The following SH2D1A variants were observed in gnomAD, a reference collection of about 807,000 sequenced individuals.
The protein encoded by SH2D1A is SH2 domain-containing protein 1A.
Under a neutral mutation model 10.1 loss-of-function variants are expected in SH2D1A, and 6 were observed. That is an observed-to-expected ratio of 0.60 (90% CI 0.33 to 1.18). The LOEUF (loss-of-function observed/expected upper bound fraction) is 1.18, where lower values mean the gene tolerates loss of function less well. Ranked by LOEUF, SH2D1A falls within the 50% of genes most tolerant of loss-of-function variation. The pLI, the probability that SH2D1A is intolerant of heterozygous loss-of-function variation, is 0.04. For missense variants in SH2D1A, 51 were observed against 97.6 expected (o/e 0.52, Z 2.01); for synonymous variants, 42 against 36.9 (o/e 1.14, Z -0.51).
chrX:124,346,864 G>C (rs1027743867), intron 1 of SH2D1A, 85 bp downstream of exon 1: 3 of 1,110,547 alleles, frequency 2.7e-6, no homozygotes, highest in Non-Finnish European at 3.7e-6. Flanking sequence ...GGCCGAGGCA[G>C]GCAGGGGCGC....
rs184880857 is a variant in SH2D1A at position 124,350,082 on chromosome X, A to T, written c.137+3303A>T. Among the ~76,000 whole-genome samples, 289 of 91,306 alleles carry T rather than the reference A, an allele frequency of 3.2e-3. 3 individuals carry two copies. Among genetic ancestry groups the T allele is most frequent in the African/African-American group, 0.011 (279 of 24,844 alleles). 79.3% of individuals were successfully genotyped at this position (91,306 alleles called of 115,157 possible). On this transcript the variant is annotated intron_variant, in intron 1 of 3. Coordinates refer to ENST00000371139, the MANE Select transcript of SH2D1A (RefSeq NM_002351.5). ...TCTTACAATTGTATTCTTACGAGTG[A>T]CGTATTTGACTACTAAAAAGTTTGA...
Position 124,371,441 on chromosome X carries a change from T to C in SH2D1A, c.*50T>C. On this transcript the variant is annotated 3_prime_UTR_variant, in exon 4 of 4. Coordinates refer to ENST00000371139, the MANE Select transcript of SH2D1A (RefSeq NM_002351.5). ...TATTTTCTATAATTTAAATATATGC[T>C]AAGTCTTATATATTGTAGATAATAC... 3 of 820,270 alleles carry C rather than the reference T, an allele frequency of 3.7e-6. No homozygotes were observed. The highest frequency in any genetic ancestry group is 5.4e-6 in the Non-Finnish European group (3 of 553,468). 67.6% of individuals were successfully genotyped at this position (820,270 alleles called of 1,213,427 possible).
intron 1 of SH2D1A, chrX:124,364,421 G>A (rs1384747733): frequency 3.6e-6 from 1 of 277,232 alleles, no homozygotes; most frequent in African/African-American, 2.8e-5. Flanking sequence ...TAAGCGAAGT[G>A]TTATAAAAGA....
intron 1 of SH2D1A, among the ~76,000 whole-genome samples, chrX:124,363,488 T>C (rs1338771655): frequency 9.0e-6 from 1 of 111,519 alleles, no homozygotes; most frequent in Non-Finnish European, 1.9e-5. Flanking sequence ...AGCTGAAAAA[T>C]TCCTACCACC....
At chrX:124,352,734 C>T (rs780671183) in intron 1 of SH2D1A, among the ~76,000 whole-genome samples, 6 of 111,506 alleles carry the variant, frequency 5.4e-5, no homozygotes, top group East Asian at 2.8e-4. Flanking sequence ...AATGTATGGG[C>T]GCAAGTATCC....
intron 2 of SH2D1A, 101 bp downstream of exon 2, chrX:124,365,925 A>AG: frequency 1.8e-6 from 1 of 563,474 alleles, no homozygotes; most frequent in Non-Finnish European, 3.1e-6. Context: ...AAGTATTCAT[A>AG]AGGTTTAAAT....
chrX:124,357,699 A>G (rs2060029664), intron 1 of SH2D1A, among the ~76,000 whole-genome samples: 1 of 112,021 alleles, frequency 8.9e-6, no homozygotes, highest in African/African-American at 3.2e-5. Context: ...ATGATATCTC[A>G]TTGTGGTTTC....
At chrX:124,348,392 A>T (rs2059999332) in intron 1 of SH2D1A, among the ~76,000 whole-genome samples, 1 of 111,358 alleles carries the variant, frequency 9.0e-6, no homozygotes, top group African/African-American at 3.3e-5. Context: ...AAGTCTGGGC[A>T]GGGGAGGGAC....
intron 1 of SH2D1A, 152 bp downstream of exon 1, chrX:124,346,931 G>A (rs751166850): frequency 8.8e-5 from 53 of 602,762 alleles, no homozygotes; most frequent in Non-Finnish European, 1.1e-4. Context: ...TCCAGCCCAG[G>A]GCCGTGGTGG....
At chrX:124,365,234 T>C (rs1430004309) in intron 1 of SH2D1A, among the ~76,000 whole-genome samples, 1 of 110,490 alleles carries the variant, frequency 9.1e-6, no homozygotes, top group African/African-American at 3.3e-5. Flanking sequence ...CTATACATTA[T>C]AATAGTAATT....
chrX:124,366,876 AACACACACACACACACAC>A (rs59536671), intron 2 of SH2D1A, among the ~76,000 whole-genome samples: 1 of 87,088 alleles, frequency 1.1e-5, no homozygotes, highest in South Asian at 6.2e-4. Flanking sequence ...TATACTGACA[AACACACACACACACACAC>A]ACACACACAC....
chrX:124,366,564 T>G (rs773741967), intron 2 of SH2D1A, among the ~76,000 whole-genome samples: 2 of 111,691 alleles, frequency 1.8e-5, no homozygotes, highest in South Asian at 7.5e-4. Context: ...TAAAATTTTC[T>G]GAAGTCTAGA....
At chrX:124,366,698 T>C (rs1393128297) in intron 2 of SH2D1A, among the ~76,000 whole-genome samples, 1 of 111,277 alleles carries the variant, frequency 9.0e-6, no homozygotes, top group Admixed American at 9.6e-5. Context: ...AACACACTTT[T>C]GCTGTATTAT....
intron 2 of SH2D1A, among the ~76,000 whole-genome samples, chrX:124,369,062 C>G (rs1371594523): frequency 9.1e-6 from 1 of 110,393 alleles, no homozygotes; most frequent in African/African-American, 3.3e-5. Flanking sequence ...GAAAAATTAC[C>G]CCAACATAAG....
At chrX:124,367,906 A>G (rs1261108524) in intron 2 of SH2D1A, among the ~76,000 whole-genome samples, 3 of 112,068 alleles carry the variant, frequency 2.7e-5, no homozygotes, top group African/African-American at 9.7e-5. Flanking sequence ...ATGTACTGAC[A>G]TCACCCTGTT....
chrX:124,370,658 G>A (rs138038787), intron 3 of SH2D1A, among the ~76,000 whole-genome samples: 5,474 of 111,498 alleles, frequency 0.049, 147 homozygotes, highest in African/African-American at 0.098. Flanking sequence ...TGTGAAAGAT[G>A]GTATAATTCA....
intron 1 of SH2D1A, among the ~76,000 whole-genome samples, chrX:124,365,144 C>T (rs1367141492): frequency 9.0e-6 from 1 of 110,636 alleles, no homozygotes; most frequent in Non-Finnish European, 1.9e-5. Context: ...GTTTGCACAA[C>T]AACGAAATCA....
chrX:124,357,671 C>T (rs1322797587), intron 1 of SH2D1A, among the ~76,000 whole-genome samples: 1 of 111,761 alleles, frequency 8.9e-6, no homozygotes, highest in Non-Finnish European at 1.9e-5. Context: ...TGATAATAAC[C>T]ATCCTAACAG....
At chrX:124,351,323 G>A (rs933768373) in intron 1 of SH2D1A, among the ~76,000 whole-genome samples, 26 of 108,099 alleles carry the variant, frequency 2.4e-4, no homozygotes, top group African/African-American at 8.7e-4. Context: ...TTAGACATTT[G>A]ACTCATTCCA....
Sources: allele counts gnomAD v4.1 joint callset (sites outside exome capture counted in the v4.1 genomes callset), GRCh38; gene constraint gnomAD v4.1.1; transcripts MANE v1.5; gene names NCBI Gene and HGNC (gene_info 2026-07-23, HGNC 2026-07-21).